ZDHHC14: variants seen among roughly 807,000 people sequenced by gnomAD.
ZDHHC14 encodes zDHHC palmitoyltransferase 14, also known as palmitoyltransferase ZDHHC14.
A neutral mutation model predicts 47.7 loss-of-function variants in ZDHHC14; 16 were observed. The observed-to-expected ratio is 0.34, with a 90% CI of 0.23 to 0.51. ZDHHC14 has a LOEUF of 0.51. Ranked by LOEUF, ZDHHC14 falls within the 20% of genes least tolerant of loss-of-function variation. The pLI is 0.97. For missense variants in ZDHHC14, 515 were observed against 662.5 expected (o/e 0.78, Z 2.44); for synonymous variants, 293 against 278.9 (o/e 1.05, Z -0.50).
rs1783716835 is a variant in ZDHHC14 at position 157,586,845 on chromosome 6, T to G, written c.407-6143T>G. On this transcript the variant is annotated intron_variant, in intron 2 of 8. Transcript: ENST00000359775. This position sits in a 1 kb window ranked among gnomAD's most constrained non-coding sequence, Gnocchi z 4.6. Reference sequence around the variant, plus strand: ...AGTCAAAGAGTTTTGGGTTTCGGTTTAATTCTTAAGCTTCAGTTTACTATG... The same window carrying G: ...AGTCAAAGAGTTTTGGGTTTCGGTTGAATTCTTAAGCTTCAGTTTACTATG... 6.6e-6 allele frequency among the ~76,000 whole-genome samples: 1 copy of G among 152,268 alleles called. No individual in the cohort carries two copies. The highest frequency in any genetic ancestry group is 2.4e-5 in the African/African-American group (1 of 41,476).
chr6:157,473,988 C>CTTTTTT (rs34287258), intron 1 of ZDHHC14, among the ~76,000 whole-genome samples: 6 of 118,602 alleles, frequency 5.1e-5, no homozygotes, highest in Admixed American at 1.8e-4. Flanking sequence ...ATTTTCTTTT[C>CTTTTTT]TTTTTTTTTT....
intron 1 of ZDHHC14, among the ~76,000 whole-genome samples, chr6:157,384,140 G>A (rs1583599478): frequency 1.3e-5 from 2 of 152,266 alleles, no homozygotes; most frequent in South Asian, 2.1e-4. Context: ...TCTTTTTAGC[G>A]ATTTTAACTG....
chr6:157,453,695 G>C (rs912265550), intron 1 of ZDHHC14, among the ~76,000 whole-genome samples: 3 of 152,136 alleles, frequency 2.0e-5, no homozygotes, highest in Non-Finnish European at 4.4e-5. Flanking sequence ...TGGAGGTGCA[G>C]CATCTTTCCT....
chr6:157,540,933 T>TATATATATATATATATATAA (rs1252700559), intron 1 of ZDHHC14, among the ~76,000 whole-genome samples: 135 of 143,242 alleles, frequency 9.4e-4, no homozygotes, highest in African/African-American at 3.7e-3. Flanking sequence ...TATATATATA[T>TATATATATATATATATATAA]AATTTCATAC....
At chr6:157,557,980 G>A (rs1434896207) in intron 2 of ZDHHC14, among the ~76,000 whole-genome samples, 1 of 152,178 alleles carries the variant, frequency 6.6e-6, no homozygotes, top group Non-Finnish European at 1.5e-5. Flanking sequence ...AGCCACACAT[G>A]GTAAATTTTC....
intron 3 of ZDHHC14, among the ~76,000 whole-genome samples, chr6:157,609,263 C>A (rs553446967): frequency 1.3e-5 from 2 of 152,088 alleles, no homozygotes; most frequent in Admixed American, 1.3e-4. Context: ...TCAAAAGGTG[C>A]GCACCTGGAG....
intron 3 of ZDHHC14, among the ~76,000 whole-genome samples, chr6:157,623,417 A>T (rs1022647203): frequency 6.6e-6 from 1 of 151,780 alleles, no homozygotes; most frequent in Non-Finnish European, 1.5e-5. Flanking sequence ...TTCCACCATG[A>T]TTATAAGTTT....
chr6:157,424,937 A>T (rs1033023511), intron 1 of ZDHHC14, among the ~76,000 whole-genome samples: 1 of 151,228 alleles, frequency 6.6e-6, no homozygotes, highest in Non-Finnish European at 1.5e-5. Flanking sequence ...GCCCACTCTC[A>T]CTCTTCAGTC....
At chr6:157,411,995 G>C (rs1463209556) in intron 1 of ZDHHC14, among the ~76,000 whole-genome samples, 3 of 151,788 alleles carry the variant, frequency 2.0e-5, no homozygotes, top group African/African-American at 7.3e-5. Flanking sequence ...CTGGAGTGCA[G>C]TGGTGTGATC....
chr6:157,594,997 T>C (rs1414282389), intron 3 of ZDHHC14, among the ~76,000 whole-genome samples: 1 of 152,160 alleles, frequency 6.6e-6, no homozygotes, highest in Non-Finnish European at 1.5e-5. Context: ...TGCCTTCTCC[T>C]GGAGGTCTAA....
intron 1 of ZDHHC14, among the ~76,000 whole-genome samples, chr6:157,490,092 G>T (rs1335499183): frequency 3.3e-5 from 5 of 152,114 alleles, no homozygotes; most frequent in Non-Finnish European, 1.5e-5. Context: ...ACCCCCCTCA[G>T]TTTCTAGATA....
chr6:157,607,622 T>G (rs548257450), intron 3 of ZDHHC14, among the ~76,000 whole-genome samples: 2 of 152,202 alleles, frequency 1.3e-5, no homozygotes, highest in East Asian at 3.9e-4. Flanking sequence ...CAGGGTGAGG[T>G]CTGTGCAGGT....
intron 4 of ZDHHC14, chr6:157,629,253 A>T (rs1323007881): frequency 1.3e-5 from 2 of 152,198 alleles, no homozygotes; most frequent in Non-Finnish European, 2.9e-5. Flanking sequence ...GAAGGAAGTG[A>T]ATTTGCCTTG....
At chr6:157,599,471 C>T (rs1164789075) in intron 3 of ZDHHC14, among the ~76,000 whole-genome samples, 1 of 152,208 alleles carries the variant, frequency 6.6e-6, no homozygotes, top group Non-Finnish European at 1.5e-5. Flanking sequence ...CACGCCCAAG[C>T]AGACAGCCAG....
At chr6:157,433,936 C>T (rs960896783) in intron 1 of ZDHHC14, among the ~76,000 whole-genome samples, 1 of 152,114 alleles carries the variant, frequency 6.6e-6, no homozygotes, top group Admixed American at 6.6e-5. Context: ...AGAGAGCCAC[C>T]CTCCACACAC....
intron 1 of ZDHHC14, among the ~76,000 whole-genome samples, chr6:157,410,681 G>C (rs1342412906): frequency 6.6e-6 from 1 of 152,102 alleles, no homozygotes; most frequent in Non-Finnish European, 1.5e-5. Flanking sequence ...CAAGATATTT[G>C]ATTTCATCTC....
intron 1 of ZDHHC14, among the ~76,000 whole-genome samples, chr6:157,386,386 C>A (rs1270230074): frequency 6.6e-6 from 1 of 152,052 alleles, no homozygotes; most frequent in Non-Finnish European, 1.5e-5. Context: ...AAAATAAGCA[C>A]CTTTGTGTGA....
intron 2 of ZDHHC14, among the ~76,000 whole-genome samples, chr6:157,557,367 G>A (rs1408629010): frequency 6.6e-6 from 1 of 152,140 alleles, no homozygotes; most frequent in Non-Finnish European, 1.5e-5. Context: ...CGTCAGGATT[G>A]GTAGGGGTGC....
At chr6:157,626,894 G>T (rs898348082) in intron 3 of ZDHHC14, among the ~76,000 whole-genome samples, 1 of 150,020 alleles carries the variant, frequency 6.7e-6, no homozygotes, top group South Asian at 2.2e-4. Context: ...TCCAGCTGGG[G>T]GGGGGGCGGC....
Sources: allele counts gnomAD v4.1 joint callset (sites outside exome capture counted in the v4.1 genomes callset), GRCh38; gene constraint gnomAD v4.1.1; non-coding constraint Gnocchi (gnomAD v3.1); transcripts MANE v1.5; gene names NCBI Gene and HGNC (gene_info 2026-07-23, HGNC 2026-07-21).